COQ8B: variants seen among roughly 807,000 people sequenced by gnomAD.
COQ8B encodes atypical kinase COQ8B, mitochondrial.
A neutral mutation model predicts 62.0 loss-of-function variants in COQ8B; 44 were observed. The ratio of observed to expected loss-of-function variants is 0.71; its 90% CI spans 0.56 to 0.91. COQ8B has a LOEUF of 0.91. COQ8B is among the 40% of genes least tolerant of loss of function. The pLI is 0.00. For missense variants in COQ8B, 649 were observed against 731.6 expected, an observed-to-expected ratio of 0.89 and a Z score of 1.30; for synonymous variants, 252 against 289.9, an observed-to-expected ratio of 0.87 and a Z score of 1.33.
At chr19:40,693,944 T>C (rs1342920563) in intron 13 of COQ8B, among the ~76,000 whole-genome samples, 1 of 152,154 alleles carries the variant, frequency 6.6e-6, no homozygotes, top group Middle Eastern at 3.2e-3. Flanking sequence ...CCATTCCCTC[T>C]CTGCTCCCCC....
chr19:40,707,514 G>T (rs1401159000), intron 5 of COQ8B, among the ~76,000 whole-genome samples: 1 of 151,182 alleles, frequency 6.6e-6, no homozygotes, highest in East Asian at 1.9e-4. Context: ...ACAATGGCAT[G>T]ATCTTGGTTC....
At chr19:40,703,395 G>A (rs934835378) in intron 9 of COQ8B, 146 bp downstream of exon 9, 42 of 804,564 alleles carry the variant, frequency 5.2e-5, no homozygotes, top group South Asian at 7.5e-5. Flanking sequence ...GGCTCTCCCC[G>A]CCTTGGTGTC....
Position 40,700,152 on chromosome 19 carries a change from A to G in COQ8B, c.1058T>C (p.Leu353Pro), listed in dbSNP as rs1453743782. The stretch of plus-strand genomic sequence containing the variant: ...GAACTCAAACAGCTCCCGCAGACAC[A>G]GCGTCAGGAGCTGGAAGCAAATCTG... ...RNQICFQLLTLCLRELFEFRF... is the reference protein window; with the variant it reads ...RNQICFQLLTPCLRELFEFRF... The change falls in exon 12 of 15, where the codon CTG becomes CCG. Residue 353 changes from leucine (L) to proline (P), a missense_variant. Physicochemically the swap from Leu to Pro is moderately conservative, Grantham distance 98 (BLOSUM62 -3). Transcript: ENST00000324464. 2 of 1,614,142 alleles carry G rather than the reference A, an allele frequency of 1.2e-6. No individual in the cohort carries two copies. The highest frequency in any genetic ancestry group is 8.5e-7 in the Non-Finnish European group (1 of 1,180,046).
At chr19:40,697,849 T>TAGAGAGAGAGAGAGAGAGAGAG (rs1224275474) in intron 12 of COQ8B, among the ~76,000 whole-genome samples, 13 of 60,708 alleles carry the variant, frequency 2.1e-4, no homozygotes, top group African/African-American at 6.5e-4. Flanking sequence ...TATATATATA[T>TAGAGAGAGAGAGAGAGAGAGAG]ATAGAGAGAG....
At chr19:40,700,763 A>G (rs758779832) in intron 10 of COQ8B, 9 of 349,404 alleles carry the variant, frequency 2.6e-5, no homozygotes, top group Non-Finnish European at 3.2e-5. Context: ...GTTCAGGTGT[A>G]TTTCAGCCTT....
intron 7 of COQ8B, chr19:40,704,652 A>G (rs904012901): frequency 2.6e-5 from 4 of 156,054 alleles, no homozygotes; most frequent in Admixed American, 2.5e-4. Context: ...CCTGGATTCC[A>G]TGCCTTACCC....
At chr19:40,702,776 T>C (rs2082070541) in intron 9 of COQ8B, 83 bp from the exon 10 acceptor site, 1 of 1,293,672 alleles carries the variant, frequency 7.7e-7, no homozygotes, top group Non-Finnish European at 1.1e-6. Flanking sequence ...CTCTCTCCTG[T>C]CTCCCGCGCT....
intron 12 of COQ8B, among the ~76,000 whole-genome samples, chr19:40,696,759 T>C (rs915564023): frequency 9.2e-5 from 14 of 152,154 alleles, no homozygotes; most frequent in African/African-American, 3.4e-4. Flanking sequence ...ACCTCTTTCC[T>C]ACAATCATTA....
rs2082188440 is a variant in COQ8B at position 40,716,819 on chromosome 19, C to CTAAA, written c.-237_-236insTTTA. 4 of 179,498 alleles carry CTAAA rather than the reference C, an allele frequency of 2.2e-5. No homozygotes were observed. Among genetic ancestry groups the CTAAA allele is most frequent in the African/African-American group, 9.4e-5 (4 of 42,404 alleles). The allele number at this position is 179,498 out of a possible 1,614,324, so 11.1% of individuals were successfully genotyped here. A position where few individuals can be genotyped will look rare whatever the true frequency, so the allele number is the denominator to read the frequency against. ...TAGTCACAGGGGTGGAGGGAGGGGG[C>CTAAA]CCACTGGCGCGCCACCAGGACCCCG... On this transcript the variant is annotated 5_prime_UTR_variant, in exon 1 of 15. It introduces an in-frame stop codon into an upstream open reading frame of the 5' UTR. Coordinates refer to ENST00000324464, the MANE Select transcript of COQ8B (RefSeq NM_024876.4).
At chr19:40,709,028 G>A (rs1057279257) in intron 5 of COQ8B, among the ~76,000 whole-genome samples, 6 of 152,036 alleles carry the variant, frequency 3.9e-5, no homozygotes, top group African/African-American at 1.2e-4. Flanking sequence ...GATTCAACAT[G>A]GTACCATTCT....
At chr19:40,712,177 G>A (rs1202790225) in intron 4 of COQ8B, among the ~76,000 whole-genome samples, 2 of 151,984 alleles carry the variant, frequency 1.3e-5, no homozygotes, top group South Asian at 2.1e-4. Flanking sequence ...GGTAGCTCAC[G>A]CCTATAATCC....
rs142420160 is a variant in COQ8B at position 40,692,323 on chromosome 19, G to C, written c.1347C>G (p.Phe449Leu). The change falls in exon 15 of 15, where the codon TTC becomes TTG. Residue 449 changes from phenylalanine to leucine, a missense_variant. Phe to Leu is a conservative substitution (Grantham distance 22, BLOSUM62 0). Transcript: ENST00000324464. ...CAAAGTCATAAGGGCCCTGGGTGGC[G>C]AAAGGCTCCCCCAGGATCATCACTG... Reference protein sequence around the residue: ...VEAVMILGEPFATQGPYDFGS... With the variant: ...VEAVMILGEPLATQGPYDFGS... 6.2e-7 allele frequency: 1 copy of C among 1,613,756 alleles called. No homozygotes were observed. Among genetic ancestry groups the C allele is most frequent in the Non-Finnish European group, 8.5e-7 (1 of 1,179,852 alleles).
intron 5 of COQ8B, among the ~76,000 whole-genome samples, chr19:40,706,067 A>G (rs2082098850): frequency 6.6e-6 from 1 of 152,230 alleles, no homozygotes; most frequent in Non-Finnish European, 1.5e-5. Flanking sequence ...GGTGGGTCTC[A>G]AAAATGTAAT....
chr19:40,697,874 A>AGAGAGAGAGAGT (rs202234463), intron 12 of COQ8B, among the ~76,000 whole-genome samples: 11 of 96,992 alleles, frequency 1.1e-4, no homozygotes, highest in Non-Finnish European at 1.6e-4. Flanking sequence ...AGAGAGAGAG[A>AGAGAGAGAGAGT]GAGTTTCTAC....
chr19:40,706,735 C>T (rs1275190549), intron 5 of COQ8B, among the ~76,000 whole-genome samples: 2 of 152,216 alleles, frequency 1.3e-5, no homozygotes. Context: ...GTTGGGATTA[C>T]AGGCGTAAGC....
chr19:40,698,997 CTT>C (rs34684819), intron 12 of COQ8B, among the ~76,000 whole-genome samples: 16 of 144,220 alleles, frequency 1.1e-4, no homozygotes, highest in Non-Finnish European at 1.2e-4. Context: ...CCATCTCAGC[CTT>C]TTTTTTTTTT....
In COQ8B at chr19:40,716,616, C is replaced by G. The variant is rs2082186811; in HGVS notation, c.-33G>C. ...AATCCAATGGAGCGTAAGTCATTTGCTCAGGGTAGCGGAGCTGGGAACTGG... is the reference window on the plus strand; with the variant it reads ...AATCCAATGGAGCGTAAGTCATTTGGTCAGGGTAGCGGAGCTGGGAACTGG... On this transcript the variant is annotated 5_prime_UTR_variant, in exon 1 of 15. Coordinates refer to ENST00000324464, the MANE Select transcript of COQ8B (RefSeq NM_024876.4). 1 of 152,438 alleles carries G rather than the reference C, an allele frequency of 6.6e-6. No homozygotes were observed. Among genetic ancestry groups the G allele is most frequent in the Admixed American group, 6.5e-5 (1 of 15,308 alleles). The allele number at this position is 152,438 out of a possible 1,614,324, so 9.4% of individuals were successfully genotyped here. A position where few individuals can be genotyped will look rare whatever the true frequency, so the allele number is the denominator to read the frequency against.
rs56056214 is a variant in COQ8B at position 40,700,091 on chromosome 19, G to A, written c.1119C>T (p.Phe373=). The part of the protein sequence containing the change: ...FMQTDPNWAN[F]LYDASSHQVT... The stretch of plus-strand genomic sequence containing the variant: ...CCTGGTGGCTGGAGGCATCATACAG[G>A]AAGTTGGCCCAGTTGGGGTCAGTCT... Residue 373 remains phenylalanine (F), a synonymous_variant, in exon 12 of 15, where the codon TTC becomes TTT. Transcript: ENST00000324464. 0.012 allele frequency: 19,376 copies of A among 1,614,220 alleles called. 146 individuals carry two copies. Among genetic ancestry groups the A allele is most frequent in the Non-Finnish European group, 0.013 (15,621 of 1,180,032 alleles).
chr19:40,716,566 T>C (rs2082186361), intron 1 of COQ8B, 21 bp downstream of exon 1: 1 of 152,236 alleles, frequency 6.6e-6, no homozygotes, highest in Non-Finnish European at 1.5e-5. Flanking sequence ...AAGTACTCTA[T>C]ACATGACAGA....
Sources: gnomAD v4.1 joint callset for allele counts (sites outside exome capture counted in the v4.1 genomes callset) on GRCh38, gnomAD v4.1.1 for gene constraint, MANE v1.5 for transcripts, NCBI Gene and HGNC (gene_info 2026-07-23, HGNC 2026-07-21) for gene names.